Variants in CAMK4 observed in about 807,000 individuals in gnomAD.
CAMK4 encodes calcium/calmodulin-dependent protein kinase type IV.
Under a neutral mutation model 44.9 loss-of-function variants are expected in CAMK4, and 22 were observed. The ratio of observed to expected loss-of-function variants is 0.49; its 90% CI spans 0.35 to 0.70. The LOEUF (loss-of-function observed/expected upper bound fraction) is 0.70. CAMK4 is among the 30% of genes least tolerant of loss of function. CAMK4 has a pLI of 0.01. For synonymous variants in CAMK4, 218 were observed against 215.4 expected, an observed-to-expected ratio of 1.01 and a Z score of -0.11; for missense variants, 498 against 586.8, an observed-to-expected ratio of 0.85 and a Z score of 1.56.
intron 1 of CAMK4, among the ~76,000 whole-genome samples, chr5:111,308,977 T>G (rs994573654): frequency 2.6e-5 from 4 of 152,190 alleles, no homozygotes; most frequent in African/African-American, 7.2e-5. Flanking sequence ...CTTTGTACCA[T>G]AAACATGTAG....
intron 5 of CAMK4, among the ~76,000 whole-genome samples, chr5:111,427,462 C>G (rs932600114): frequency 6.6e-6 from 1 of 152,166 alleles, no homozygotes; most frequent in Non-Finnish European, 1.5e-5. Flanking sequence ...AGCTCTGATT[C>G]CAGAACTTGA....
At chr5:111,410,015 T>C (rs1022277091) in intron 5 of CAMK4, among the ~76,000 whole-genome samples, 3 of 152,122 alleles carry the variant, frequency 2.0e-5, no homozygotes, top group Admixed American at 6.6e-5. Context: ...TTTCCCACAT[T>C]TTCCAGTCTT....
At chr5:111,271,751 G>A (rs1327743536) in intron 1 of CAMK4, among the ~76,000 whole-genome samples, 2 of 152,044 alleles carry the variant, frequency 1.3e-5, no homozygotes, top group Non-Finnish European at 2.9e-5. Flanking sequence ...ATCTTTGCTT[G>A]GTTTTTTACC....
At chr5:111,345,887 G>A (rs1482905427) in intron 2 of CAMK4, among the ~76,000 whole-genome samples, 1 of 151,960 alleles carries the variant, frequency 6.6e-6, no homozygotes, top group African/African-American at 2.4e-5. Context: ...GCATGTGAAC[G>A]AGAATGAAGT....
intron 6 of CAMK4, among the ~76,000 whole-genome samples, chr5:111,447,122 T>C (rs886736620): frequency 6.6e-6 from 1 of 152,204 alleles, no homozygotes; most frequent in African/African-American, 2.4e-5. Flanking sequence ...ATATTAACTT[T>C]TATTCCACAG....
In CAMK4 at chr5:111,263,775, ACT is replaced by A. The variant is rs563348493; in HGVS notation, c.161+39134_161+39135del. ...TCAAAACCCCCAAAATAGGCTCTAGACTCTGTAAAGGGCGGAAGCAGTGTGGA... is the reference window on the plus strand; with the variant it reads ...TCAAAACCCCCAAAATAGGCTCTAGACTGTAAAGGGCGGAAGCAGTGTGGA... On this transcript the variant is annotated intron_variant, in intron 1 of 10. Coordinates refer to ENST00000282356, the MANE Select transcript of CAMK4 (RefSeq NM_001744.6). Among the ~76,000 whole-genome samples, 511 of 152,164 alleles carry A rather than the reference ACT, an allele frequency of 3.4e-3. 2 individuals carry two copies. The highest frequency in any genetic ancestry group is 4.8e-3 in the Non-Finnish European group (323 of 67,988).
At chr5:111,460,784 C>G (rs1323084749) in intron 7 of CAMK4, among the ~76,000 whole-genome samples, 1 of 151,908 alleles carries the variant, frequency 6.6e-6, no homozygotes, top group South Asian at 2.1e-4. Flanking sequence ...GCAATGACTT[C>G]AAGATAGGAA....
In CAMK4 at chr5:111,368,798, T is replaced by C. The variant is rs1750892893; in HGVS notation, c.241-6052T>C. 2.0e-5 allele frequency among the ~76,000 whole-genome samples: 3 copies of C among 152,168 alleles called. No individual in the cohort carries two copies. In the South Asian group the frequency reaches 6.2e-4, roughly 32 times the overall value. On this transcript the variant is annotated intron_variant, in intron 2 of 10. Coordinates refer to ENST00000282356, the MANE Select transcript of CAMK4 (RefSeq NM_001744.6). ...CCTTACTTTTCTCCATGTTCCTTCT[T>C]CGGAGATTCTTATTTGCTTCACCCT...
At chr5:111,332,327 G>A (rs1216452256) in intron 1 of CAMK4, among the ~76,000 whole-genome samples, 1 of 146,382 alleles carries the variant, frequency 6.8e-6, no homozygotes, top group Admixed American at 7.1e-5. Context: ...AGAACATGCG[G>A]TGTTTGGTTT....
intron 1 of CAMK4, among the ~76,000 whole-genome samples, chr5:111,263,148 A>G (rs1243081380): frequency 6.6e-6 from 1 of 152,246 alleles, no homozygotes; most frequent in Non-Finnish European, 1.5e-5. Flanking sequence ...TCAATGATAA[A>G]TCTTGACTAT....
chr5:111,289,184 T>G (rs1751350499), intron 1 of CAMK4, among the ~76,000 whole-genome samples: 2 of 152,092 alleles, frequency 1.3e-5, no homozygotes, highest in African/African-American at 4.8e-5. Flanking sequence ...CCATCTCTAC[T>G]AAAAACACAA....
intron 1 of CAMK4, among the ~76,000 whole-genome samples, chr5:111,335,692 T>C (rs941845991): frequency 2.0e-5 from 3 of 151,324 alleles, no homozygotes; most frequent in African/African-American, 7.3e-5. Flanking sequence ...ATAAATATTA[T>C]ATCTGGAGCC....
rs543985494 is a variant in CAMK4 at position 111,325,393 on chromosome 5, G to A, written c.162-18631G>A. 4.3e-4 allele frequency among the ~76,000 whole-genome samples: 66 copies of A among 152,040 alleles called. 1 individual carries two copies. Among genetic ancestry groups the A allele is most frequent in the African/African-American group, 1.4e-3 (59 of 41,484 alleles). On this transcript the variant is annotated intron_variant, in intron 1 of 10. Coordinates refer to ENST00000282356, the MANE Select transcript of CAMK4 (RefSeq NM_001744.6). ...TATAATACCCCGTAGTAGGATTGCCGGGTCAAATGGTATTTCTGGTTCTAG... is the reference window on the plus strand; with the variant it reads ...TATAATACCCCGTAGTAGGATTGCCAGGTCAAATGGTATTTCTGGTTCTAG...
chr5:111,410,081 C>T, intron 5 of CAMK4, among the ~76,000 whole-genome samples: 1 of 152,200 alleles, frequency 6.6e-6, no homozygotes, highest in South Asian at 2.1e-4. Flanking sequence ...TCCAAAGTCA[C>T]TTCCACATTT....
intron 5 of CAMK4, among the ~76,000 whole-genome samples, chr5:111,411,117 G>C (rs1383877615): frequency 6.6e-6 from 1 of 152,072 alleles, no homozygotes; most frequent in Non-Finnish European, 1.5e-5. Flanking sequence ...CATTGGAAAA[G>C]GTAAAGATGG....
chr5:111,367,472 A>G lies in CAMK4; in HGVS notation c.241-7378A>G, dbSNP rs150843135. Reference sequence around the variant, plus strand: ...TTCAAATCATAGCACCTAGTAACAGATAAAAACTCTAGAATGCACTGTGAT... The same window carrying G: ...TTCAAATCATAGCACCTAGTAACAGGTAAAAACTCTAGAATGCACTGTGAT... On this transcript the variant is annotated intron_variant, in intron 2 of 10. Transcript: ENST00000282356. Among the ~76,000 whole-genome samples the G allele has an allele frequency of 4.8e-3, 729 of 152,180 alleles. 5 individuals are homozygous for G. Among genetic ancestry groups the G allele is most frequent in the African/African-American group, 0.016 (681 of 41,536 alleles).
At chr5:111,269,395 A>T (rs1750403079) in intron 1 of CAMK4, among the ~76,000 whole-genome samples, 1 of 152,158 alleles carries the variant, frequency 6.6e-6, no homozygotes, top group African/African-American at 2.4e-5. Flanking sequence ...TCTTCAAGTG[A>T]CATCTGGTTG....
intron 1 of CAMK4, among the ~76,000 whole-genome samples, chr5:111,317,301 A>G (rs1748466540): frequency 1.3e-5 from 2 of 152,134 alleles, no homozygotes; most frequent in African/African-American, 4.8e-5. Flanking sequence ...GTTTAAGGCA[A>G]CCATTTGTTC....
At position 111,290,420 on chromosome 5, in the gene CAMK4, C is replaced by T. The variant is rs1375857435; in HGVS notation, c.162-53604C>T. On this transcript the variant is annotated intron_variant, in intron 1 of 10. Coordinates refer to ENST00000282356, the MANE Select transcript of CAMK4 (RefSeq NM_001744.6). This position sits in a 1 kb window ranked among gnomAD's most constrained non-coding sequence, Gnocchi z 4.5. The stretch of plus-strand genomic sequence containing the variant: ...TATACTTCATTAGGGAATTAAATTC[C>T]AGGCAGTAGGAGTGAGCAATAAGAG... Among the ~76,000 whole-genome samples the T allele has an allele frequency of 6.6e-6, 1 of 152,108 alleles. No homozygotes were observed. Among genetic ancestry groups the T allele is most frequent in the African/African-American group, 2.4e-5 (1 of 41,404 alleles).
Sources: gnomAD v4.1 joint callset for allele counts (sites outside exome capture counted in the v4.1 genomes callset) on GRCh38, gnomAD v4.1.1 for gene constraint, Gnocchi (gnomAD v3.1) non-coding constraint, MANE v1.5 for transcripts, NCBI Gene and HGNC (gene_info 2026-07-23, HGNC 2026-07-21) for gene names.